Variants in PEX7 observed in about 807,000 individuals in gnomAD.
The protein encoded by PEX7 is PTS2 receptor.
A neutral mutation model predicts 47.5 loss-of-function variants in PEX7; 34 were observed. The observed-to-expected ratio is 0.72, with a 90% CI of 0.54 to 0.95. PEX7 has a LOEUF of 0.95. PEX7 is among the 40% of genes least tolerant of loss of function. PEX7 has a pLI of 0.00. For synonymous variants in PEX7, 141 were observed against 148.8 expected, an observed-to-expected ratio of 0.95 and a Z score of 0.38; for missense variants, 394 against 400.3, an observed-to-expected ratio of 0.98 and a Z score of 0.13.
Position 136,913,438 on chromosome 6 carries a change from A to G in PEX7, c.904-20A>G, listed in dbSNP as rs1175091063. The G allele has an allele frequency of 1.3e-6, 2 of 1,572,604 alleles. No homozygotes were observed. Among genetic ancestry groups the G allele is most frequent in the African/African-American group, 1.3e-5 (1 of 74,112 alleles). On this transcript the variant is annotated intron_variant, in intron 9 of 9. Coordinates refer to ENST00000318471, the MANE Select transcript of PEX7 (RefSeq NM_000288.4). ...TGTATGTCTAAATACGTTTCTTCTTACTTCATTTTTGTTTTCTAGGTGGCT... is the reference window on the plus strand; with the variant it reads ...TGTATGTCTAAATACGTTTCTTCTTGCTTCATTTTTGTTTTCTAGGTGGCT...
chr6:136,870,110 CT>C (rs1582760122), intron 7 of PEX7, 107 bp downstream of exon 7: 1 of 689,332 alleles, frequency 1.5e-6, no homozygotes, highest in Non-Finnish European at 2.3e-6. Context: ...GTTACTAATT[CT>C]TTTTTATATG....
Position 136,904,331 on chromosome 6 carries a change from G to A in PEX7, c.903+6090G>A, listed in dbSNP as rs529595486. Among the ~76,000 whole-genome samples, 9 of 152,118 alleles carry A rather than the reference G, an allele frequency of 5.9e-5. No individual in the cohort carries two copies. In the East Asian group the frequency reaches 1.4e-3, roughly 23 times the overall value. ...GATATAACAAGTCCTTGTTGTTTTC[G>A]CCAAGCCATAAAACATTTCCCAGTT... On this transcript the variant is annotated intron_variant, in intron 9 of 9. Transcript: ENST00000318471.
chr6:136,878,416 A>G (rs1042905147), intron 8 of PEX7, among the ~76,000 whole-genome samples: 1 of 152,174 alleles, frequency 6.6e-6, no homozygotes, highest in Admixed American at 6.5e-5. Flanking sequence ...GCTCTTGCCC[A>G]TTCAGTATGA....
Position 136,898,311 on chromosome 6 carries a change from C to A in PEX7, c.903+70C>A, listed in dbSNP as rs1775688817. On this transcript the variant is annotated intron_variant, in intron 9 of 9. Coordinates refer to ENST00000318471, the MANE Select transcript of PEX7 (RefSeq NM_000288.4). The stretch of plus-strand genomic sequence containing the variant: ...AGCCAACTCTGTGTGGCATGCATTG[C>A]TTTTATGAATAAAATTGTTGCCATT... 8.6e-6 allele frequency: 8 copies of A among 931,034 alleles called. No homozygotes were observed. In the East Asian group the frequency reaches 1.9e-4, roughly 22 times the overall value. The allele number at this position is 931,034 out of a possible 1,614,324, so 57.7% of individuals were successfully genotyped here.
intron 3 of PEX7, among the ~76,000 whole-genome samples, chr6:136,843,942 T>G (rs898603305): frequency 4.6e-5 from 7 of 152,194 alleles, no homozygotes; most frequent in Non-Finnish European, 8.8e-5. Flanking sequence ...CAAGATAATT[T>G]GTTAATGTTT....
intron 8 of PEX7, among the ~76,000 whole-genome samples, chr6:136,873,114 G>A (rs1427201971): frequency 6.6e-6 from 1 of 151,980 alleles, no homozygotes; most frequent in Non-Finnish European, 1.5e-5. Context: ...ATTTTGTCTA[G>A]GCAAAACATT....
chr6:136,829,577 A>G (rs1205804941), intron 3 of PEX7, among the ~76,000 whole-genome samples: 3 of 152,232 alleles, frequency 2.0e-5, no homozygotes, highest in Non-Finnish European at 4.4e-5. Context: ...CAGATACTCA[A>G]AAATACTTAA....
chr6:136,827,162 C>T (rs1220139943), intron 3 of PEX7, among the ~76,000 whole-genome samples: 4 of 152,150 alleles, frequency 2.6e-5, no homozygotes, highest in African/African-American at 9.7e-5. Flanking sequence ...ACCACAGTGC[C>T]TGGCCCGAGA....
At chr6:136,863,545 G>T (rs1219757214) in intron 5 of PEX7, among the ~76,000 whole-genome samples, 1 of 152,002 alleles carries the variant, frequency 6.6e-6, no homozygotes, top group Non-Finnish European at 1.5e-5. Context: ...TGACTGTTGT[G>T]GCCTCTGGGC....
At chr6:136,824,429 C>T (rs1774151508) in intron 1 of PEX7, among the ~76,000 whole-genome samples, 1 of 152,054 alleles carries the variant, frequency 6.6e-6, no homozygotes, top group Non-Finnish European at 1.5e-5. Flanking sequence ...TGGTCCGGAA[C>T]TGGGTGCAAG....
intron 8 of PEX7, among the ~76,000 whole-genome samples, chr6:136,875,161 T>G (rs1420800553): frequency 1.3e-5 from 2 of 150,568 alleles, no homozygotes; most frequent in African/African-American, 4.9e-5. Context: ...AAAAAGAACT[T>G]TTTTTTTTTA....
At chr6:136,902,082 G>C (rs1273713861) in intron 9 of PEX7, among the ~76,000 whole-genome samples, 1 of 152,208 alleles carries the variant, frequency 6.6e-6, no homozygotes, top group Non-Finnish European at 1.5e-5. Flanking sequence ...ACTGCGCCCA[G>C]CCAAGTTATT....
chr6:136,864,619 A>G (rs1473541609), intron 5 of PEX7, among the ~76,000 whole-genome samples: 3 of 152,260 alleles, frequency 2.0e-5, no homozygotes, highest in African/African-American at 4.8e-5. Flanking sequence ...TGCCTAGGAT[A>G]GCTAAATTTA....
At chr6:136,845,719 AC>A in intron 4 of PEX7, 27 bp downstream of exon 4, 1 of 1,336,278 alleles carries the variant, frequency 7.5e-7, no homozygotes, top group South Asian at 1.2e-5. Flanking sequence ...GTATTCAAAA[AC>A]GAATATTCCC....
chr6:136,835,990 C>G (rs2019755959), intron 3 of PEX7, among the ~76,000 whole-genome samples: 1 of 152,176 alleles, frequency 6.6e-6, no homozygotes, highest in African/African-American at 2.4e-5. Flanking sequence ...TGTAGTCTCT[C>G]TCATACACAC....
intron 1 of PEX7, 111 bp downstream of exon 1, chr6:136,822,906 G>C: frequency 8.2e-7 from 1 of 1,215,296 alleles, no homozygotes; most frequent in Non-Finnish European, 1.0e-6. Context: ...AGACGGTTCC[G>C]CGGGTCCACG....
At chr6:136,906,768 A>T (rs891387338) in intron 9 of PEX7, among the ~76,000 whole-genome samples, 10 of 152,154 alleles carry the variant, frequency 6.6e-5, no homozygotes, top group African/African-American at 2.4e-4. Context: ...CACTCCTGTG[A>T]TGCTTTTAAA....
intron 5 of PEX7, among the ~76,000 whole-genome samples, chr6:136,846,462 T>A (rs1774602991): frequency 6.6e-6 from 1 of 152,170 alleles, no homozygotes; most frequent in Admixed American, 6.5e-5. Flanking sequence ...TCATTTACAT[T>A]GGATATATCT....
At chr6:136,874,701 A>G (rs867507353) in intron 8 of PEX7, among the ~76,000 whole-genome samples, 3 of 151,138 alleles carry the variant, frequency 2.0e-5, no homozygotes, top group Non-Finnish European at 4.4e-5. Context: ...CTATAAAGGA[A>G]TGTTGTAGGA....
Sources: gnomAD v4.1 joint callset for allele counts (sites outside exome capture counted in the v4.1 genomes callset) on GRCh38, gnomAD v4.1.1 for gene constraint, MANE v1.5 for transcripts, NCBI Gene and HGNC (gene_info 2026-07-23, HGNC 2026-07-21) for gene names.